DYM: variants seen among roughly 807,000 people sequenced by gnomAD.
DYM encodes the protein dyggve-Melchior-Clausen syndrome protein.
In DYM, 78 loss-of-function variants were observed where a neutral mutation model predicts 93.1. The observed-to-expected ratio is 0.84, with a 90% CI of 0.70 to 1.01. DYM has a LOEUF of 1.01. Among genes scored for constraint, DYM ranks in the 50% least tolerant of loss-of-function variants. The pLI is 0.00. For synonymous variants in DYM, 321 were observed against 319.7 expected, an observed-to-expected ratio of 1.00 and a Z score of -0.04; for missense variants, 789 against 845.0, an observed-to-expected ratio of 0.93 and a Z score of 0.82.
intron 13 of DYM, among the ~76,000 whole-genome samples, chr18:49,251,862 G>A (rs1239840702): frequency 1.3e-5 from 2 of 152,090 alleles, no homozygotes; most frequent in Non-Finnish European, 2.9e-5. Flanking sequence ...GAAGGAGAAA[G>A]ATCTAGATTA....
intron 3 of DYM, among the ~76,000 whole-genome samples, chr18:49,386,446 C>G (rs74802616): frequency 0.011 from 1,632 of 152,284 alleles, 28 homozygotes; most frequent in African/African-American, 0.038. Context: ...CCCCTTGATA[C>G]GGTGTGTTGA....
At chr18:49,139,330 T>C (rs1243108362) in intron 15 of DYM, among the ~76,000 whole-genome samples, 3 of 152,204 alleles carry the variant, frequency 2.0e-5, no homozygotes, top group Non-Finnish European at 4.4e-5. Flanking sequence ...ATTTGCTTTC[T>C]TATTCTGAAA....
chr18:49,416,475 T>C (rs540054594), intron 2 of DYM, among the ~76,000 whole-genome samples: 1 of 152,356 alleles, frequency 6.6e-6, no homozygotes, highest in African/African-American at 2.4e-5. Context: ...GCTGCTGCTA[T>C]ACTGCTCAGA....
intron 13 of DYM, among the ~76,000 whole-genome samples, chr18:49,252,216 CA>C (rs774500057): frequency 1.2e-3 from 32 of 27,230 alleles, no homozygotes; most frequent in South Asian, 3.6e-3. Flanking sequence ...AGACTTGCCT[CA>C]AAAAAAAAAA....
intron 17 of DYM, among the ~76,000 whole-genome samples, chr18:49,078,622 T>A (rs1046360233): frequency 2.6e-5 from 4 of 152,228 alleles, no homozygotes; most frequent in African/African-American, 9.6e-5. Context: ...CTCCTGTGCT[T>A]TTCTAGGTCA....
intron 1 of DYM, among the ~76,000 whole-genome samples, chr18:49,451,564 A>G (rs755543888): frequency 2.0e-5 from 3 of 152,244 alleles, no homozygotes; most frequent in Non-Finnish European, 4.4e-5. Context: ...ATTTGAAGAT[A>G]CAAACCCATG....
rs1282600366 is a variant in DYM, at chr18:49,118,918, G to A, written c.1737C>T (p.Asp579=). 2.5e-6 allele frequency: 4 copies of A among 1,613,830 alleles called. No individual in the cohort carries two copies. The highest frequency in any genetic ancestry group is 2.5e-6 in the Non-Finnish European group (3 of 1,179,892). The change falls in exon 16 of 18, where the codon GAC becomes GAT. Residue 579 remains aspartate (D), a synonymous_variant. Transcript: ENST00000675505. The part of the protein sequence containing the change: ...NDVPLPDYAQ[D]LNVIEEVIRM... ...GAATCACTTCTTCAATGACATTTAG[G>A]TCTTGTGCCTTATAGAGAAAAGAAA...
intron 1 of DYM, among the ~76,000 whole-genome samples, chr18:49,440,975 TATATTATATATA>T (rs1334830119): frequency 0.023 from 77 of 3,382 alleles, 27 homozygotes; most frequent in Non-Finnish European, 0.034. Context: ...ATTTATATAA[TATATTATATATA>T]ATATATAATA....
At chr18:49,268,566 T>C (rs1180026053) in intron 11 of DYM, among the ~76,000 whole-genome samples, 2 of 152,276 alleles carry the variant, frequency 1.3e-5, no homozygotes, top group African/African-American at 2.4e-5. Flanking sequence ...TAACCACATA[T>C]GAATTATGCC....
intron 15 of DYM, among the ~76,000 whole-genome samples, chr18:49,147,507 A>G (rs2085296664): frequency 6.6e-6 from 1 of 152,238 alleles, no homozygotes; most frequent in Non-Finnish European, 1.5e-5. Context: ...CAAGAAAAAA[A>G]CATCCCCATG....
intron 17 of DYM, among the ~76,000 whole-genome samples, chr18:49,070,437 C>T (rs72921663): frequency 0.037 from 5,579 of 152,254 alleles, 127 homozygotes; most frequent in Middle Eastern, 0.065. Flanking sequence ...ATCCCACCTG[C>T]CTCTCCACTT....
chr18:49,243,402 C>T (rs1397262139), intron 13 of DYM, among the ~76,000 whole-genome samples: 3 of 152,222 alleles, frequency 2.0e-5, no homozygotes, highest in East Asian at 3.9e-4. Context: ...TGGTGGCTCA[C>T]GCTTGTAATA....
At chr18:49,368,284 C>T (rs1284859271) in intron 5 of DYM, among the ~76,000 whole-genome samples, 2 of 152,092 alleles carry the variant, frequency 1.3e-5, no homozygotes, top group Non-Finnish European at 2.9e-5. Flanking sequence ...CCACTGATAA[C>T]ATAAGGGAAA....
intron 2 of DYM, among the ~76,000 whole-genome samples, chr18:49,423,572 CA>C: frequency 6.6e-6 from 1 of 152,032 alleles, no homozygotes. Context: ...GATAGAGACA[CA>C]AAAAACCCTT....
At chr18:49,218,794 G>C (rs2093205055) in intron 13 of DYM, among the ~76,000 whole-genome samples, 1 of 152,196 alleles carries the variant, frequency 6.6e-6, no homozygotes, top group South Asian at 2.1e-4. Flanking sequence ...ATGCCCACAA[G>C]AGAAAGCAGG....
chr18:49,074,116 C>T lies in DYM; in HGVS notation c.2025+23286G>A, dbSNP rs578143861. Among the ~76,000 whole-genome samples the T allele has an allele frequency of 7.9e-4, 120 of 152,280 alleles. No individual in the cohort carries two copies. In the Middle Eastern group the frequency reaches 0.024, roughly 30 times the overall value. On this transcript the variant is annotated intron_variant, in intron 17 of 17. Transcript: ENST00000675505. The stretch of plus-strand genomic sequence containing the variant: ...GCCTCCACAGCTTATAAATAAAAAG[C>T]AAAACTAAATTTACACAGTTGGCTC...
intron 17 of DYM, among the ~76,000 whole-genome samples, chr18:49,080,333 G>A (rs1393835330): frequency 7.2e-6 from 1 of 138,750 alleles, no homozygotes; most frequent in African/African-American, 2.7e-5. Context: ...GCCGGGCGGG[G>A]GGCTGACCCC....
At chr18:49,114,357 G>A (rs559213478) in intron 16 of DYM, among the ~76,000 whole-genome samples, 1 of 152,338 alleles carries the variant, frequency 6.6e-6, no homozygotes, top group South Asian at 2.1e-4. Flanking sequence ...ATAGTCAAAT[G>A]TTTAGCCTGA....
intron 13 of DYM, among the ~76,000 whole-genome samples, chr18:49,217,601 A>T (rs1054360658): frequency 6.6e-6 from 1 of 152,254 alleles, no homozygotes; most frequent in Admixed American, 6.5e-5. Context: ...GACAATAGTC[A>T]ACATTCTTAA....
Sources: gnomAD v4.1 joint callset for allele counts (sites outside exome capture counted in the v4.1 genomes callset) on GRCh38, gnomAD v4.1.1 for gene constraint, MANE v1.5 for transcripts, NCBI Gene and HGNC (gene_info 2026-07-23, HGNC 2026-07-21) for gene names.